MAVS: variants seen among roughly 807,000 people sequenced by gnomAD.
The protein encoded by MAVS is mitochondrial antiviral signaling protein.
Under a neutral mutation model 30.2 loss-of-function variants are expected in MAVS, and 20 were observed. The observed-to-expected ratio is 0.66, with a 90% CI of 0.47 to 0.96. The LOEUF is 0.96. MAVS is among the 40% of genes least tolerant of loss of function. MAVS has a pLI of 0.00. For missense variants in MAVS, 624 were observed against 701.1 expected (o/e 0.89, Z 1.24); for synonymous variants, 278 against 293.9 (o/e 0.95, Z 0.55).
chr20:3,861,639 C>T, intron 4 of MAVS, 135 bp downstream of exon 4: 1 of 976,714 alleles, frequency 1.0e-6, no homozygotes, highest in Non-Finnish European at 1.5e-6. Flanking sequence ...CCTAGGGCTT[C>T]CTCAGTGGGG....
At chr20:3,858,342 G>T (rs956970942) in intron 3 of MAVS, among the ~76,000 whole-genome samples, 2 of 152,018 alleles carry the variant, frequency 1.3e-5, no homozygotes, top group Non-Finnish European at 2.9e-5. Context: ...CTGAGTGCTC[G>T]GAGGCGATTT....
At position 3,848,615 on chromosome 20, in the gene MAVS, C is replaced by T. The variant is rs2089731171; in HGVS notation, c.-68+1712C>T. 2.0e-5 allele frequency among the ~76,000 whole-genome samples: 3 copies of T among 152,154 alleles called. No homozygotes were observed. In the South Asian group the frequency reaches 6.2e-4, roughly 32 times the overall value. ...TCCCCTGTGAGGAAGGTCTGGTGGCCCAACAGCTTTTAGGTGCTGTCTGCT... is the reference window on the plus strand; with the variant it reads ...TCCCCTGTGAGGAAGGTCTGGTGGCTCAACAGCTTTTAGGTGCTGTCTGCT... On this transcript the variant is annotated intron_variant, in intron 1 of 6. Coordinates refer to ENST00000428216, the MANE Select transcript of MAVS (RefSeq NM_020746.5).
chr20:3,851,530 A>G (rs1600442209), intron 1 of MAVS, among the ~76,000 whole-genome samples: 1 of 149,946 alleles, frequency 6.7e-6, no homozygotes. Context: ...AAAAAAGTTT[A>G]TAAGGCTGAA....
chr20:3,866,096 G>A lies in MAVS; in HGVS notation c.1572G>A (p.Gly524=). 1 of 1,609,246 alleles carries A rather than the reference G, an allele frequency of 6.2e-7. No individual in the cohort carries two copies. The highest frequency in any genetic ancestry group is 8.5e-7 in the Non-Finnish European group (1 of 1,178,860). Residue 524 remains glycine (G), a synonymous_variant, in exon 7 of 7, where the codon GGG becomes GGA. Coordinates refer to ENST00000428216, the MANE Select transcript of MAVS (RefSeq NM_020746.5). ...GALWLQVAVT[G]VLVVTLLVVL... is the part of the protein sequence containing the mutation. ...TGTGGCTCCAGGTGGCTGTGACAGGGGTGCTGGTAGTCACACTCCTGGTGG... is the reference window on the plus strand; with the variant it reads ...TGTGGCTCCAGGTGGCTGTGACAGGAGTGCTGGTAGTCACACTCCTGGTGG...
chr20:3,863,439 C>A (rs548158292), intron 5 of MAVS, among the ~76,000 whole-genome samples: 2 of 152,304 alleles, frequency 1.3e-5, no homozygotes, highest in East Asian at 3.9e-4. Flanking sequence ...CTGCTCCAAG[C>A]ACCTGTCTGC....
At chr20:3,862,162 G>T in intron 4 of MAVS, 92 bp from the exon 5 acceptor site, 1 of 1,430,038 alleles carries the variant, frequency 7.0e-7, no homozygotes, top group East Asian at 2.4e-5. Context: ...GGTGTGGGCT[G>T]AGGCCTATAG....
At chr20:3,859,144 C>CT (rs1264506207) in intron 3 of MAVS, among the ~76,000 whole-genome samples, 3 of 151,844 alleles carry the variant, frequency 2.0e-5, no homozygotes, top group Admixed American at 1.3e-4. Context: ...CCCTCCCTCC[C>CT]TCCCTTCCTC....
intron 3 of MAVS, among the ~76,000 whole-genome samples, chr20:3,860,020 T>C: frequency 6.6e-6 from 1 of 152,008 alleles, no homozygotes; most frequent in East Asian, 1.9e-4. Flanking sequence ...GGTTTCACCG[T>C]GTTAGCCAGG....
chr20:3,855,632 AG>A (rs1248312567), intron 2 of MAVS, among the ~76,000 whole-genome samples: 1 of 152,068 alleles, frequency 6.6e-6, no homozygotes, highest in Non-Finnish European at 1.5e-5. Context: ...ATTTCTCAGG[AG>A]CCCCATTGTT....
chr20:3,854,472 C>A, intron 1 of MAVS, 86 bp from the exon 2 acceptor site: 1 of 424,294 alleles, frequency 2.4e-6, no homozygotes. Flanking sequence ...ACAAACATTC[C>A]AAAAAGTTGA....
chr20:3,858,202 C>T (rs2089829696), intron 3 of MAVS, among the ~76,000 whole-genome samples: 1 of 152,062 alleles, frequency 6.6e-6, no homozygotes, highest in African/African-American at 2.4e-5. Context: ...CATTTCTTCT[C>T]CCCCACCTAC....
chr20:3,857,887 T>C, intron 3 of MAVS, 78 bp downstream of exon 3: 1 of 1,438,424 alleles, frequency 7.0e-7, no homozygotes, highest in East Asian at 2.3e-5. Flanking sequence ...CTCCCTGTAC[T>C]TCCTGCCTTT....
intron 6 of MAVS, 58 bp downstream of exon 6, chr20:3,864,846 C>T: frequency 1.9e-6 from 3 of 1,577,038 alleles, no homozygotes; most frequent in Non-Finnish European, 1.7e-6. Context: ...ACAGCTTGCC[C>T]ACCTGGCCCT....
At chr20:3,854,866 C>T in intron 2 of MAVS, 125 bp downstream of exon 2, 1 of 553,742 alleles carries the variant, frequency 1.8e-6, no homozygotes, top group South Asian at 2.4e-5. Context: ...CTTGCTGTGT[C>T]TTGCTCCTTG....
At position 3,875,475 on chromosome 20, in the gene MAVS, T is replaced by TTAA. The variant is rs1555782189; in HGVS notation, c.*9328_*9329insTAA. 2 of 145,730 alleles carry TTAA rather than the reference T, an allele frequency of 1.4e-5. No individual in the cohort carries two copies. Among genetic ancestry groups the TTAA allele is most frequent in the Admixed American group, 6.8e-5 (1 of 14,628 alleles). The allele number at this position is 145,730 out of a possible 1,614,324, so 9.0% of individuals were successfully genotyped here. On this transcript the variant is annotated 3_prime_UTR_variant, in exon 7 of 7. Transcript: ENST00000428216. ...CTACTTCTTCAGTGCTGTTTTTATT[T>TTAA]AAAAAAAAAAAAAACCAGCCAAAAC... is the stretch of plus-strand genomic sequence containing the variant.
chr20:3,856,083 C>T (rs113428079), intron 2 of MAVS, among the ~76,000 whole-genome samples: 6,291 of 149,184 alleles, frequency 0.042, 164 homozygotes, highest in South Asian at 0.091. Flanking sequence ...GAGACGGAGT[C>T]TCACTCTGTC....
chr20:3,859,677 G>A (rs1170424993), intron 3 of MAVS, among the ~76,000 whole-genome samples: 10 of 151,946 alleles, frequency 6.6e-5, no homozygotes, highest in Non-Finnish European at 1.5e-4. Context: ...GGATGCCTGG[G>A]GACAGAGAAG....
chr20:3,870,049 G>A lies in MAVS; in HGVS notation c.*3902G>A, dbSNP rs570984594. On this transcript the variant is annotated 3_prime_UTR_variant, in exon 7 of 7. Transcript: ENST00000428216. ...TGAATTGGCCAGTGTCAGATCTCAGGAGTCCTGTGTTGAGAGTGTGGCTTT... is the reference window on the plus strand; with the variant it reads ...TGAATTGGCCAGTGTCAGATCTCAGAAGTCCTGTGTTGAGAGTGTGGCTTT... The A allele has an allele frequency of 6.6e-6, 1 of 152,512 alleles. No individual in the cohort carries two copies. Among genetic ancestry groups the A allele is most frequent in the East Asian group, 1.9e-4 (1 of 5,316 alleles). 9.4% of individuals were successfully genotyped at this position (152,512 alleles called of 1,614,324 possible). A position where few individuals can be genotyped will look rare whatever the true frequency, so the allele number is the denominator to read the frequency against.
At chr20:3,861,955 G>A (rs2089870393) in intron 4 of MAVS, among the ~76,000 whole-genome samples, 1 of 152,136 alleles carries the variant, frequency 6.6e-6, no homozygotes, top group Non-Finnish European at 1.5e-5. Flanking sequence ...TGCCGTGTCA[G>A]CCAGGCTGGT....
Sources: allele counts gnomAD v4.1 joint callset (sites outside exome capture counted in the v4.1 genomes callset), GRCh38; gene constraint gnomAD v4.1.1; transcripts MANE v1.5; gene names NCBI Gene and HGNC (gene_info 2026-07-23, HGNC 2026-07-21).